The following BCL11B variants were observed in gnomAD, a reference collection of about 807,000 sequenced individuals.
The protein encoded by BCL11B is B-cell lymphoma/leukemia 11B.
Under a neutral mutation model 49.9 loss-of-function variants are expected in BCL11B, and 8 were observed. That is an observed-to-expected ratio of 0.16 (90% confidence interval 0.09 to 0.29). The LOEUF (loss-of-function observed/expected upper bound fraction) is 0.29. Ranked by LOEUF, BCL11B falls within the 10% of genes least tolerant of loss-of-function variation. The pLI, the probability that BCL11B is intolerant of heterozygous loss-of-function variation, is 1.00. For missense variants in BCL11B, 1,006 were observed against 1,351.0 expected (o/e 0.74, Z 4.00); for synonymous variants, 739 against 637.4 (o/e 1.16, Z -2.40).
rs17638924 is a variant in BCL11B, at chr14:99,213,387, T to C, written c.640+17958A>G. 0.014 allele frequency among the ~76,000 whole-genome samples: 2,055 copies of C among 152,180 alleles called. 27 individuals are homozygous for C. The highest frequency in any genetic ancestry group is 0.037 in the Middle Eastern group (11 of 294). On this transcript the variant is annotated intron_variant, in intron 3 of 3. Transcript: ENST00000357195. The surrounding 1 kb of genome is among the most constrained non-coding windows in gnomAD (Gnocchi z 5.1). ...CACGTTATTCAGCAATGAGGTATAATTGAATGGATTAACATGAATGCGACG... is the reference window on the plus strand; with the variant it reads ...CACGTTATTCAGCAATGAGGTATAACTGAATGGATTAACATGAATGCGACG...
At chr14:99,259,416 T>C (rs1889273963) in intron 1 of BCL11B, among the ~76,000 whole-genome samples, 1 of 152,214 alleles carries the variant, frequency 6.6e-6, no homozygotes, top group Non-Finnish European at 1.5e-5. Context: ...GGAGAGTCCA[T>C]GTGTGAAACT....
chr14:99,173,680 G>A lies in BCL11B; in HGVS notation c.*471C>T. 4.4e-6 allele frequency: 1 copy of A among 225,408 alleles called. No homozygotes were observed. Among genetic ancestry groups the A allele is most frequent in the Non-Finnish European group, 8.8e-6 (1 of 113,546 alleles). The allele number at this position is 225,408 out of a possible 1,614,324, so 14.0% of individuals were successfully genotyped here. A position where few individuals can be genotyped will look rare whatever the true frequency, so the allele number is the denominator to read the frequency against. On this transcript the variant is annotated 3_prime_UTR_variant, in exon 4 of 4. Coordinates refer to ENST00000357195, the MANE Select transcript of BCL11B (RefSeq NM_138576.4). ...CATTTGAGTGTTGGCTTCTTCACAA[G>A]AAATTACACATGCTTAGCTTAAATT...
Position 99,184,543 on chromosome 14 carries a change from G to A in BCL11B, c.641-8348C>T, listed in dbSNP as rs2139780936. ...CTGAGTGAGGGGCCCCAGGTCACAG[G>A]GCTGGTAAGTGGCAGAGTCAAGATG... On this transcript the variant is annotated intron_variant, in intron 3 of 3. Coordinates refer to ENST00000357195, the MANE Select transcript of BCL11B (RefSeq NM_138576.4). The surrounding 1 kb of genome is among the most constrained non-coding windows in gnomAD (Gnocchi z 6.1). Among the ~76,000 whole-genome samples the A allele has an allele frequency of 6.6e-6, 1 of 152,286 alleles. No individual in the cohort carries two copies. Among genetic ancestry groups the A allele is most frequent in the East Asian group, 1.9e-4 (1 of 5,176 alleles).
At position 99,255,405 on chromosome 14, in the gene BCL11B, G is replaced by GA. The variant is rs67440207; in HGVS notation, c.427+2065dup. Among the ~76,000 whole-genome samples the GA allele has an allele frequency of 1.1e-4, 7 of 65,180 alleles. 1 individual carries two copies. Among genetic ancestry groups the GA allele is most frequent in the African/African-American group, 3.1e-4 (5 of 16,018 alleles). 42.8% of individuals were successfully genotyped at this position (65,180 alleles called of 152,430 possible). A position where few individuals can be genotyped will look rare whatever the true frequency, so the allele number is the denominator to read the frequency against. On this transcript the variant is annotated intron_variant, in intron 2 of 3. Transcript: ENST00000357195. ...TAGGCTGCTGCAGTATCACAACCTG[G>GA]AAAAAAAAAAAAAAAAAAAAAAAAA...
chr14:99,264,474 AAAG>A (rs1273972917), intron 1 of BCL11B: 1 of 150,780 alleles, frequency 6.6e-6, no homozygotes, highest in Admixed American at 6.7e-5. Flanking sequence ...GGGCCATAAA[AAAG>A]AAGTTATGTA....
At chr14:99,219,724 T>C (rs1337696056) in intron 3 of BCL11B, among the ~76,000 whole-genome samples, 1 of 151,576 alleles carries the variant, frequency 6.6e-6, no homozygotes. Context: ...ACAATGAAAA[T>C]TGTCCATTTG....
chr14:99,201,443 T>A (rs1887380970), intron 3 of BCL11B, among the ~76,000 whole-genome samples: 1 of 152,118 alleles, frequency 6.6e-6, no homozygotes, highest in Non-Finnish European at 1.5e-5. Context: ...GGGGCTTCCT[T>A]CCTGCTTAGA....
At chr14:99,221,458 A>G (rs1473992749) in intron 3 of BCL11B, among the ~76,000 whole-genome samples, 1 of 152,254 alleles carries the variant, frequency 6.6e-6, no homozygotes, top group African/African-American at 2.4e-5. Flanking sequence ...TGAGAATCAT[A>G]CAATACTGGC....
chr14:99,175,781 T>C lies in BCL11B; in HGVS notation c.1055A>G (p.Asn352Ser). The change falls in exon 4 of 4, where the codon AAC becomes AGC. Residue 352 changes from asparagine (N) to serine (S), a missense_variant. Physicochemically the swap from Asn to Ser is conservative, Grantham distance 46. This residue lies in a region of BCL11B where 411 missense variants were observed against 542.2 expected (regional missense o/e 0.76). Transcript: ENST00000357195. ...PSAFDRVMRL[N>S]PMAIDSPAMD... ...GGCGGGCGAGTCGATGGCCATGGGG[T>C]TCAGGCGCATGACTCGGTCGAAGGC... 6.8e-7 allele frequency: 1 copy of C among 1,464,530 alleles called. No individual in the cohort carries two copies. The highest frequency in any genetic ancestry group is 8.9e-7 in the Non-Finnish European group (1 of 1,120,720). 90.7% of individuals were successfully genotyped at this position (1,464,530 alleles called of 1,614,324 possible).
At position 99,170,265 on chromosome 14, in the gene BCL11B, T is replaced by G. The variant is rs1275237234; in HGVS notation, c.*3886A>C. 1 of 220,944 alleles carries G rather than the reference T, an allele frequency of 4.5e-6. No homozygotes were observed. Among genetic ancestry groups the G allele is most frequent in the African/African-American group, 2.2e-5 (1 of 44,624 alleles). The allele number at this position is 220,944 out of a possible 1,614,324, so 13.7% of individuals were successfully genotyped here. On this transcript the variant is annotated 3_prime_UTR_variant, in exon 4 of 4. Coordinates refer to ENST00000357195, the MANE Select transcript of BCL11B (RefSeq NM_138576.4). ...TTCTCTCCCATTCCCTCCCCCCTTT[T>G]TTTTAACTTTGCAAAGGTAAGTGGC... is the stretch of plus-strand genomic sequence containing the variant.
At chr14:99,191,493 G>A (rs1887029021) in intron 3 of BCL11B, among the ~76,000 whole-genome samples, 1 of 152,130 alleles carries the variant, frequency 6.6e-6, no homozygotes, top group East Asian at 1.9e-4. Flanking sequence ...AAAAGACAGA[G>A]AGAAGAGGAG....
In BCL11B at chr14:99,195,293, C is replaced by T. The variant is rs1223110135; in HGVS notation, c.641-19098G>A. Reference sequence around the variant, plus strand: ...CACAGTGGTCCACTCTGACCCAGGGCTCCTCTGGAAGAAAAGGAAGAGAAG... The same window carrying T: ...CACAGTGGTCCACTCTGACCCAGGGTTCCTCTGGAAGAAAAGGAAGAGAAG... On this transcript the variant is annotated intron_variant, in intron 3 of 3. Transcript: ENST00000357195. This position sits in a 1 kb window ranked among gnomAD's most constrained non-coding sequence, Gnocchi z 4.7. Among the ~76,000 whole-genome samples the T allele has an allele frequency of 6.6e-6, 1 of 152,162 alleles. No individual in the cohort carries two copies. The highest frequency in any genetic ancestry group is 1.9e-4 in the East Asian group (1 of 5,184).
At chr14:99,201,784 A>C (rs1887391872) in intron 3 of BCL11B, among the ~76,000 whole-genome samples, 2 of 152,076 alleles carry the variant, frequency 1.3e-5, no homozygotes, top group South Asian at 4.1e-4. Flanking sequence ...TTCTGGGCTC[A>C]CACTCCCTTG....
chr14:99,235,745 A>G (rs938731211), intron 2 of BCL11B, among the ~76,000 whole-genome samples: 1 of 151,776 alleles, frequency 6.6e-6, no homozygotes, highest in African/African-American at 2.4e-5. Flanking sequence ...TGGACGCTAC[A>G]GCGGTGGCAG....
rs1379876478 is a variant in BCL11B, at chr14:99,205,975, C to A, written c.640+25370G>T. Among the ~76,000 whole-genome samples the A allele has an allele frequency of 2.6e-5, 4 of 152,124 alleles. No individual in the cohort carries two copies. The highest frequency in any genetic ancestry group is 2.0e-4 in the Admixed American group (3 of 15,276). ...TCTTGTGGGAAGGGAGCCTGAAGTA[C>A]CCCCGATACCCTCAACAGAGGACCG... On this transcript the variant is annotated intron_variant, in intron 3 of 3. Transcript: ENST00000357195. The surrounding 1 kb of genome is among the most constrained non-coding windows in gnomAD (Gnocchi z 5.0).
rs1889362631 is a variant in BCL11B at position 99,262,440 on chromosome 14, C to T, written c.59-4601G>A. ...TTATCTTTAATGGCTAAGCTACAGT[C>T]CAGGAGAAACATACACAGAATTATT... On this transcript the variant is annotated intron_variant, in intron 1 of 3. Transcript: ENST00000357195. The surrounding 1 kb of genome is among the most constrained non-coding windows in gnomAD (Gnocchi z 4.2). Among the ~76,000 whole-genome samples the T allele has an allele frequency of 6.6e-6, 1 of 152,064 alleles. No individual in the cohort carries two copies. The highest frequency in any genetic ancestry group is 6.5e-5 in the Admixed American group (1 of 15,270).
At position 99,191,754 on chromosome 14, in the gene BCL11B, C is replaced by A. The variant is rs181438683; in HGVS notation, c.641-15559G>T. The stretch of plus-strand genomic sequence containing the variant: ...AAAAATGCTCCGAGTGACTTCCCTC[C>A]AGAGCTGGGCTTGGCCACTAAGGCA... On this transcript the variant is annotated intron_variant, in intron 3 of 3. Coordinates refer to ENST00000357195, the MANE Select transcript of BCL11B (RefSeq NM_138576.4). 2.6e-5 allele frequency among the ~76,000 whole-genome samples: 4 copies of A among 152,198 alleles called. No individual in the cohort carries two copies. In the East Asian group the frequency reaches 7.7e-4, roughly 29 times the overall value.
chr14:99,262,007 C>T lies in BCL11B; in HGVS notation c.59-4168G>A, dbSNP rs1000345562. 1.3e-5 allele frequency among the ~76,000 whole-genome samples: 2 copies of T among 152,212 alleles called. No individual in the cohort carries two copies. The highest frequency in any genetic ancestry group is 4.8e-5 in the African/African-American group (2 of 41,452). On this transcript the variant is annotated intron_variant, in intron 1 of 3. Coordinates refer to ENST00000357195, the MANE Select transcript of BCL11B (RefSeq NM_138576.4). This position sits in a 1 kb window ranked among gnomAD's most constrained non-coding sequence, Gnocchi z 4.2. ...AGCAATCACAAATAATAATGGACATCGTTGTTAAGTGAAAGGGGAAGCACT... is the reference window on the plus strand; with the variant it reads ...AGCAATCACAAATAATAATGGACATTGTTGTTAAGTGAAAGGGGAAGCACT...
intron 2 of BCL11B, among the ~76,000 whole-genome samples, chr14:99,256,153 A>G (rs1235968552): frequency 6.6e-6 from 1 of 152,176 alleles, no homozygotes; most frequent in Non-Finnish European, 1.5e-5. Flanking sequence ...ATCAGTGCCC[A>G]TGCCCATCCA....
Sources: allele counts gnomAD v4.1 joint callset (sites outside exome capture counted in the v4.1 genomes callset), GRCh38; gene constraint gnomAD v4.1.1; regional missense constraint gnomAD v4.1.1; non-coding constraint Gnocchi (gnomAD v3.1); transcripts MANE v1.5; gene names NCBI Gene and HGNC (gene_info 2026-07-23, HGNC 2026-07-21).